The following ZNF385D variants were observed in gnomAD, a reference collection of about 807,000 sequenced individuals.
ZNF385D encodes zinc finger protein 385D, also known as zinc finger protein 659.
ZNF385D carries 15 observed loss-of-function variants against 35.8 expected under a neutral mutation model. That is an observed-to-expected ratio of 0.42 (90% CI 0.28 to 0.64). The LOEUF is 0.64. Among genes scored for constraint, ZNF385D ranks in the 30% least tolerant of loss-of-function variants. The probability of loss-of-function intolerance (pLI) is 0.23; values close to 1 mark genes in which losing one functional copy is unlikely to be tolerated. For synonymous variants in ZNF385D, 212 were observed against 186.8 expected, an observed-to-expected ratio of 1.13 and a Z score of -1.10; for missense variants, 474 against 494.6, an observed-to-expected ratio of 0.96 and a Z score of 0.39.
intron 2 of ZNF385D, among the ~76,000 whole-genome samples, chr3:22,259,551 T>G (rs1347817627): frequency 2.0e-5 from 3 of 151,990 alleles, no homozygotes; most frequent in African/African-American, 7.2e-5. Flanking sequence ...TACTTCTGCA[T>G]GTAACAGAAG....
chr3:21,641,834 C>G (rs2065615417), intron 2 of ZNF385D, among the ~76,000 whole-genome samples: 1 of 151,734 alleles, frequency 6.6e-6, no homozygotes, highest in Non-Finnish European at 1.5e-5. Flanking sequence ...AAAAGCAGCC[C>G]CAAATCATTT....
At position 21,420,116 on chromosome 3, in the gene ZNF385D, CAAGAA is replaced by C. The variant is rs1700672558; in HGVS notation, c.*1093_*1097del. The C allele has an allele frequency of 6.6e-6, 1 of 151,952 alleles. No homozygotes were observed. Among genetic ancestry groups the C allele is most frequent in the South Asian group, 2.1e-4 (1 of 4,832 alleles). 9.4% of individuals were successfully genotyped at this position (151,952 alleles called of 1,614,324 possible). Reference sequence around the variant, plus strand: ...TCATGTCAGCAGGTAATCTAAAAAACAAGAAAAACCCATAAAAATAGCTAATGCTT... The same window carrying C: ...TCATGTCAGCAGGTAATCTAAAAAACAAACCCATAAAAATAGCTAATGCTT... On this transcript the variant is annotated 3_prime_UTR_variant, in exon 8 of 8. Transcript: ENST00000281523.
intron 3 of ZNF385D, among the ~76,000 whole-genome samples, chr3:21,932,130 G>A (rs1416166095): frequency 8.0e-6 from 1 of 125,030 alleles, no homozygotes; most frequent in Admixed American, 1.1e-4. Context: ...TAGCGCCCCT[G>A]CACTCCGGCC....
In ZNF385D at chr3:21,780,468, A is replaced by G. The variant is rs551942847; in HGVS notation, c.326-115440T>C. Among the ~76,000 whole-genome samples, 75 of 152,118 alleles carry G rather than the reference A, an allele frequency of 4.9e-4. 1 individual carries two copies. The highest frequency in any genetic ancestry group is 1.8e-3 in the African/African-American group (73 of 41,538). On this transcript the variant is annotated intron_variant, in intron 3 of 5. Transcript: ENST00000494108. ...TTCTCAATATCTTCCTTATGTGGAT[A>G]CGACATGCATCTGTACTACTTATTG...
In ZNF385D at chr3:22,143,059, T is replaced by TTTTGTGTG. The variant is rs1421491512; in HGVS notation, c.325+25757_325+25758insCACACAAA. Among the ~76,000 whole-genome samples, 253 of 140,982 alleles carry TTTTGTGTG rather than the reference T, an allele frequency of 1.8e-3. 2 individuals carry two copies. The highest frequency in any genetic ancestry group is 6.7e-3 in the African/African-American group (248 of 36,826). 92.5% of individuals were successfully genotyped at this position (140,982 alleles called of 152,430 possible). On this transcript the variant is annotated intron_variant, in intron 3 of 5. Coordinates refer to the ZNF385D transcript ENST00000494108. ...CATTTGATATATTCTATTAAATCGG[T>TTTTGTGTG]TGTGTGTGTGTGTGTGTGTGTGTGT...
chr3:21,855,253 A>C (rs1370634742), intron 3 of ZNF385D, among the ~76,000 whole-genome samples: 1 of 151,966 alleles, frequency 6.6e-6, no homozygotes, highest in Non-Finnish European at 1.5e-5. Flanking sequence ...TTCCCTTAAG[A>C]ATTTTTTAGC....
chr3:22,340,418 G>A (rs1695369892), intron 2 of ZNF385D, among the ~76,000 whole-genome samples: 1 of 152,154 alleles, frequency 6.6e-6, no homozygotes, highest in Admixed American at 6.5e-5. Flanking sequence ...GGCCAAGGCA[G>A]GTGGATCACC....
At chr3:22,163,344 T>C (rs1007957377) in intron 3 of ZNF385D, among the ~76,000 whole-genome samples, 1 of 152,120 alleles carries the variant, frequency 6.6e-6, no homozygotes, top group Non-Finnish European at 1.5e-5. Context: ...TACATCGCCG[T>C]CAGAAACCGA....
chr3:22,273,694 T>C (rs1014227799), intron 2 of ZNF385D, among the ~76,000 whole-genome samples: 6 of 152,056 alleles, frequency 3.9e-5, no homozygotes, highest in African/African-American at 9.6e-5. Context: ...ACGAGACAGA[T>C]GTTACAACTG....
At chr3:22,041,525 T>C (rs564770861) in intron 3 of ZNF385D, among the ~76,000 whole-genome samples, 25 of 152,340 alleles carry the variant, frequency 1.6e-4, no homozygotes, top group Middle Eastern at 6.8e-3. Flanking sequence ...GTGGAAGGCA[T>C]AGCTTCACTA....
Position 21,824,900 on chromosome 3 carries a change from T to G in ZNF385D, c.326-159872A>C, listed in dbSNP as rs141381515. 6.0e-4 allele frequency among the ~76,000 whole-genome samples: 91 copies of G among 152,350 alleles called. 3 individuals are homozygous for G. In the East Asian group the frequency reaches 0.012, roughly 20 times the overall value. ...AATTGCTCCTTTTGCACTCTAATGC[T>G]GATTGTAACTATAATATGATAATGT... On this transcript the variant is annotated intron_variant, in intron 3 of 5. Coordinates refer to the ZNF385D transcript ENST00000494108.
chr3:21,787,944 CAAAAAAAAAAAAAAAAAAAAAAA>C (rs560982379), intron 3 of ZNF385D, among the ~76,000 whole-genome samples: 3 of 75,388 alleles, frequency 4.0e-5, no homozygotes, highest in African/African-American at 1.1e-4. Flanking sequence ...TTCGTCTCAA[CAAAAAAAAAAAAAAAAAAAAAAA>C]AAAAAAAAAA....
chr3:21,605,734 A>G (rs1176820051), intron 2 of ZNF385D, among the ~76,000 whole-genome samples: 1 of 152,218 alleles, frequency 6.6e-6, no homozygotes, highest in Non-Finnish European at 1.5e-5. Flanking sequence ...GTTGTTAAAT[A>G]TCTCATTTAT....
chr3:21,771,288 T>A (rs2071068486), intron 3 of ZNF385D, among the ~76,000 whole-genome samples: 1 of 150,334 alleles, frequency 6.7e-6, no homozygotes. Context: ...CTCTGGTTGA[T>A]CCTTGGCACA....
chr3:22,057,768 C>T (rs1699481662), intron 3 of ZNF385D, among the ~76,000 whole-genome samples: 1 of 152,126 alleles, frequency 6.6e-6, no homozygotes. Flanking sequence ...CCTGCCTCGG[C>T]CTCCCAAAGT....
rs1329926251 is a variant in ZNF385D, at chr3:22,144,596, AAAAAG to A, written c.325+24216_325+24220del. Among the ~76,000 whole-genome samples the A allele has an allele frequency of 2.9e-4, 44 of 150,926 alleles. No individual in the cohort carries two copies. The South Asian group carries it at 5.3e-3, about 18-fold the overall frequency. The stretch of plus-strand genomic sequence containing the variant: ...TCAAAAAAAAAAAAAAAAAAAAAAA[AAAAAG>A]AACGCCTTTCAAACACTTACTTTTA... On this transcript the variant is annotated intron_variant, in intron 3 of 5. Coordinates refer to the ZNF385D transcript ENST00000494108.
chr3:21,489,644 C>T (rs1173762735), intron 4 of ZNF385D, among the ~76,000 whole-genome samples: 1 of 152,112 alleles, frequency 6.6e-6, no homozygotes, highest in Non-Finnish European at 1.5e-5. Context: ...TTTTGTGACA[C>T]CTGTCTGGAT....
At chr3:21,889,688 A>T (rs1698741428) in intron 3 of ZNF385D, among the ~76,000 whole-genome samples, 1 of 152,204 alleles carries the variant, frequency 6.6e-6, no homozygotes, top group Non-Finnish European at 1.5e-5. Context: ...AGAAGGATGA[A>T]GTATGTTTCT....
At position 22,012,225 on chromosome 3, in the gene ZNF385D, T is replaced by G. The variant is rs1294002086; in HGVS notation, c.325+156592A>C. Among the ~76,000 whole-genome samples, 3 of 152,278 alleles carry G rather than the reference T, an allele frequency of 2.0e-5. No homozygotes were observed. In the East Asian group the frequency reaches 5.8e-4, roughly 29 times the overall value. ...TATATGACACACCTCTTCATTGACATTTTAAGAATTATTGCATAATGTCTT... is the reference window on the plus strand; with the variant it reads ...TATATGACACACCTCTTCATTGACAGTTTAAGAATTATTGCATAATGTCTT... On this transcript the variant is annotated intron_variant, in intron 3 of 5. Coordinates refer to the ZNF385D transcript ENST00000494108.
Sources: gnomAD v4.1 joint callset for allele counts (sites outside exome capture counted in the v4.1 genomes callset) on GRCh38, gnomAD v4.1.1 for gene constraint, MANE v1.5 for transcripts, NCBI Gene and HGNC (gene_info 2026-07-23, HGNC 2026-07-21) for gene names.